Variants in ATF7 observed in about 807,000 individuals in gnomAD.
ATF7 encodes the protein activating transcription factor 7.
A neutral mutation model predicts 50.4 loss-of-function variants in ATF7; 10 were observed. The observed-to-expected ratio is 0.20, with a 90% CI of 0.12 to 0.34. The LOEUF is 0.34. ATF7 is among the 10% of genes least tolerant of loss of function. The pLI is 1.00. For missense variants in ATF7, 465 were observed against 613.9 expected, an observed-to-expected ratio of 0.76 and a Z score of 2.56; for synonymous variants, 201 against 226.4, an observed-to-expected ratio of 0.89 and a Z score of 1.01.
chr12:53,568,403 C>T (rs1463039169), intron 2 of ATF7, among the ~76,000 whole-genome samples: 1 of 151,910 alleles, frequency 6.6e-6, no homozygotes, highest in African/African-American at 2.4e-5. Context: ...CACACACACT[C>T]TCTCTCTCTC....
At chr12:53,527,772 C>CA (rs1217041423) in intron 9 of ATF7, among the ~76,000 whole-genome samples, 30 of 141,252 alleles carry the variant, frequency 2.1e-4, no homozygotes, top group East Asian at 1.2e-3. Context: ...GAGACTCTGA[C>CA]AAAAAAAAAA....
chr12:53,625,455 C>T (rs12099917), intron 1 of ATF7, among the ~76,000 whole-genome samples: 9,206 of 152,220 alleles, frequency 0.06, 899 homozygotes, highest in African/African-American at 0.21. Flanking sequence ...TGTATATCAG[C>T]CATCTCCTTC....
At position 53,516,150 on chromosome 12, in the gene ATF7, C is replaced by T. The variant is rs752408141; in HGVS notation, c.*987G>A. On this transcript the variant is annotated 3_prime_UTR_variant, in exon 12 of 12. Coordinates refer to ENST00000420353, the MANE Select transcript of ATF7 (RefSeq NM_006856.3). ...ACCAAAGATGACAATATGCTTTGGC[C>T]GGTAAACTCTTATAAAACATAAAGG... 4 of 152,246 alleles carry T rather than the reference C, an allele frequency of 2.6e-5. No individual in the cohort carries two copies. Among genetic ancestry groups the T allele is most frequent in the Non-Finnish European group, 2.9e-5 (2 of 68,040 alleles). 9.4% of individuals were successfully genotyped at this position (152,246 alleles called of 1,614,324 possible). A position where few individuals can be genotyped will look rare whatever the true frequency, so the allele number is the denominator to read the frequency against.
At chr12:53,595,740 AG>A (rs1416801500) in intron 2 of ATF7, among the ~76,000 whole-genome samples, 2 of 152,214 alleles carry the variant, frequency 1.3e-5, no homozygotes. Flanking sequence ...AGGAGGTACA[AG>A]AAGCTGCCCT....
Position 53,524,739 on chromosome 12 carries a change from G to C in ATF7, c.950C>G (p.Pro317Arg). 1 of 1,609,660 alleles carries C rather than the reference G, an allele frequency of 6.2e-7. No homozygotes were observed. The highest frequency in any genetic ancestry group is 8.5e-7 in the Non-Finnish European group (1 of 1,178,174). Residue 317 changes from proline (P) to arginine (R), a missense_variant, in exon 10 of 12, where the codon CCT becomes CGT. Coordinates refer to ENST00000420353, the MANE Select transcript of ATF7 (RefSeq NM_006856.3). This position sits in a 1 kb window ranked among gnomAD's most constrained non-coding sequence, Gnocchi z 4.6. ...QPQVSPAQPTPSTGGRRRRTV... is the reference protein window; with the variant it reads ...QPQVSPAQPTRSTGGRRRRTV... ...GCGCCGCCGTCGCCCCCCAGTACTA[G>C]GGGTGGGCTGAGCTGGTGAGACCTG...
intron 11 of ATF7, chr12:53,517,602 A>G: frequency 1.9e-6 from 1 of 526,798 alleles, no homozygotes; most frequent in Non-Finnish European, 3.4e-6. Flanking sequence ...AATCTCCAAC[A>G]TGTTAATTAC....
chr12:53,542,832 G>T, intron 4 of ATF7: 1 of 702,360 alleles, frequency 1.4e-6, no homozygotes, highest in Non-Finnish European at 1.8e-6. Flanking sequence ...TTAATGCTTT[G>T]AATAATAGTA....
intron 9 of ATF7, among the ~76,000 whole-genome samples, chr12:53,529,363 C>G (rs1334170282): frequency 6.6e-6 from 1 of 151,896 alleles, no homozygotes; most frequent in Non-Finnish European, 1.5e-5. Context: ...CCACGCCTGG[C>G]TAATTTTTGT....
In ATF7 at chr12:53,517,041, G is replaced by T; in HGVS notation, c.*96C>A. 2 of 1,335,158 alleles carry T rather than the reference G, an allele frequency of 1.5e-6. No individual in the cohort carries two copies. Among genetic ancestry groups the T allele is most frequent in the Admixed American group, 3.5e-5 (2 of 56,808 alleles). 82.7% of individuals were successfully genotyped at this position (1,335,158 alleles called of 1,614,324 possible). A position where few individuals can be genotyped will look rare whatever the true frequency, so the allele number is the denominator to read the frequency against. On this transcript the variant is annotated 3_prime_UTR_variant, in exon 12 of 12. Transcript: ENST00000420353. ...ACACACAATTCCCCCCACCCATATT[G>T]CCATGTCCAAGGCAGATGGGAGGGG... is the stretch of plus-strand genomic sequence containing the variant.
intron 2 of ATF7, among the ~76,000 whole-genome samples, chr12:53,558,603 G>C (rs2137545004): frequency 6.6e-6 from 1 of 152,294 alleles, no homozygotes; most frequent in South Asian, 2.1e-4. Context: ...TGGGAGAACA[G>C]ACTGAATGGA....
rs746956084 is a variant in ATF7, at chr12:53,515,133, G to A, written c.*2004C>T. 3.9e-5 allele frequency: 6 copies of A among 152,208 alleles called. No homozygotes were observed. Among genetic ancestry groups the A allele is most frequent in the Non-Finnish European group, 8.8e-5 (6 of 68,056 alleles). 9.4% of individuals were successfully genotyped at this position (152,208 alleles called of 1,614,324 possible). A position where few individuals can be genotyped will look rare whatever the true frequency, so the allele number is the denominator to read the frequency against. On this transcript the variant is annotated 3_prime_UTR_variant, in exon 12 of 12. Coordinates refer to ENST00000420353, the MANE Select transcript of ATF7 (RefSeq NM_006856.3). ...TCCTGTTGGGTACCTGATGGTAGAGGATGAGAAAACCGTGTTTTCTCTCCT... is the reference window on the plus strand; with the variant it reads ...TCCTGTTGGGTACCTGATGGTAGAGAATGAGAAAACCGTGTTTTCTCTCCT...
At chr12:53,617,560 C>T (rs1037293028) in intron 1 of ATF7, among the ~76,000 whole-genome samples, 2 of 152,088 alleles carry the variant, frequency 1.3e-5, no homozygotes, top group Non-Finnish European at 2.9e-5. Context: ...AATCAGAAGC[C>T]GGAGGCTGCA....
chr12:53,560,650 G>T (rs1047348319), intron 2 of ATF7, among the ~76,000 whole-genome samples: 12 of 152,106 alleles, frequency 7.9e-5, no homozygotes, highest in African/African-American at 2.9e-4. Context: ...ATTTAAAAAC[G>T]CTCTTAATAT....
chr12:53,539,084 G>A (rs1939384217), intron 4 of ATF7, among the ~76,000 whole-genome samples: 1 of 152,150 alleles, frequency 6.6e-6, no homozygotes. Flanking sequence ...CTTCCACTGA[G>A]CCTGTACTTC....
At position 53,531,316 on chromosome 12, in the gene ATF7, G is replaced by C. The variant is rs146828363; in HGVS notation, c.927+428C>G. Among the ~76,000 whole-genome samples, 46 of 151,972 alleles carry C rather than the reference G, an allele frequency of 3.0e-4. 1 individual carries two copies. The highest frequency in any genetic ancestry group is 1.1e-3 in the African/African-American group (45 of 41,448). On this transcript the variant is annotated intron_variant, in intron 9 of 11. Coordinates refer to ENST00000420353, the MANE Select transcript of ATF7 (RefSeq NM_006856.3). ...GGGTGCCTGTAATCCCAGCTACTCG[G>C]GAGGCTGAGGCAGAAGAATCGCTTG...
At chr12:53,583,823 C>T (rs1031647276) in intron 2 of ATF7, among the ~76,000 whole-genome samples, 1 of 152,070 alleles carries the variant, frequency 6.6e-6, no homozygotes, top group Non-Finnish European at 1.5e-5. Flanking sequence ...ATACAAAATA[C>T]ACAAAGAACT....
chr12:53,609,470 TAAA>T (rs10715146), intron 1 of ATF7, among the ~76,000 whole-genome samples: 19 of 139,466 alleles, frequency 1.4e-4, no homozygotes, highest in South Asian at 2.3e-4. Context: ...CCCTGTTTCT[TAAA>T]AAAAAAAAAA....
At chr12:53,588,433 G>C (rs1942813472) in intron 2 of ATF7, among the ~76,000 whole-genome samples, 1 of 152,216 alleles carries the variant, frequency 6.6e-6, no homozygotes, top group African/African-American at 2.4e-5. Context: ...TCACTGAGCA[G>C]ATTATACATC....
chr12:53,601,053 G>A (rs1943380575), intron 1 of ATF7, 32 bp from the exon 2 acceptor site: 2 of 1,308,370 alleles, frequency 1.5e-6, no homozygotes, highest in South Asian at 2.6e-5. Flanking sequence ...AAAAAGTTAT[G>A]TTAAATATGC....
Sources: allele counts gnomAD v4.1 joint callset (sites outside exome capture counted in the v4.1 genomes callset), GRCh38; gene constraint gnomAD v4.1.1; non-coding constraint Gnocchi (gnomAD v3.1); transcripts MANE v1.5; gene names NCBI Gene and HGNC (gene_info 2026-07-23, HGNC 2026-07-21).